HMGA2: variants seen among roughly 807,000 people sequenced by gnomAD.
HMGA2 encodes the protein high mobility group AT-hook 2, also known as high mobility group protein HMGI-C.
HMGA2 carries 8 observed loss-of-function variants against 19.1 expected under a neutral mutation model. The ratio of observed to expected loss-of-function variants is 0.42; its 90% CI spans 0.25 to 0.76. The LOEUF (loss-of-function observed/expected upper bound fraction) is 0.76. Ranked by LOEUF, HMGA2 falls within the 30% of genes least tolerant of loss-of-function variation. The probability of loss-of-function intolerance (pLI) is 0.28; values close to 1 mark genes in which losing one functional copy is unlikely to be tolerated. For missense variants in HMGA2, 109 were observed against 136.3 expected, an observed-to-expected ratio of 0.80 and a Z score of 1.00; for synonymous variants, 60 against 48.8, an observed-to-expected ratio of 1.23 and a Z score of -0.96.
intron 3 of HMGA2, among the ~76,000 whole-genome samples, chr12:65,903,187 T>C (rs900863910): frequency 6.6e-6 from 1 of 152,226 alleles, no homozygotes; most frequent in African/African-American, 2.4e-5. Flanking sequence ...AATGTGTTTA[T>C]ATACACATAA....
In HMGA2 at chr12:65,830,351, C is replaced by T. The variant is rs928770135; in HGVS notation, c.198+2264C>T. ...TGTGTTCTAACAAAACATATATGTT[C>T]GTCAGGATTTTGCAATGCAAATCTT... On this transcript the variant is annotated intron_variant, in intron 2 of 4. Coordinates refer to ENST00000403681, the MANE Select transcript of HMGA2 (RefSeq NM_003483.6). 7.2e-5 allele frequency among the ~76,000 whole-genome samples: 11 copies of T among 151,828 alleles called. No homozygotes were observed. In the East Asian group the frequency reaches 9.6e-4, roughly 13 times the overall value.
intron 3 of HMGA2, among the ~76,000 whole-genome samples, chr12:65,943,529 C>T (rs1210486222): frequency 6.6e-6 from 1 of 152,156 alleles, no homozygotes; most frequent in African/African-American, 2.4e-5. Context: ...GGGCACTTTG[C>T]TATAATAATC....
At chr12:65,868,555 C>G (rs1432122224) in intron 3 of HMGA2, among the ~76,000 whole-genome samples, 1 of 152,106 alleles carries the variant, frequency 6.6e-6, no homozygotes, top group East Asian at 1.9e-4. Context: ...CCCAAAGCAC[C>G]ACCTACGTTG....
At chr12:65,893,582 G>A (rs1196988695) in intron 3 of HMGA2, among the ~76,000 whole-genome samples, 1 of 152,172 alleles carries the variant, frequency 6.6e-6, no homozygotes. Flanking sequence ...ACATTGTAGG[G>A]TTTCAGAGGT....
chr12:65,936,145 GTT>G (rs1875885893), intron 3 of HMGA2, among the ~76,000 whole-genome samples: 1 of 151,504 alleles, frequency 6.6e-6, no homozygotes, highest in Non-Finnish European at 1.5e-5. Context: ...ATTAAGTAAT[GTT>G]GTTCCTTGTT....
chr12:65,897,311 G>C (rs1054083338), intron 3 of HMGA2, among the ~76,000 whole-genome samples: 2 of 151,978 alleles, frequency 1.3e-5, no homozygotes, highest in Non-Finnish European at 2.9e-5. Context: ...GCATAACACT[G>C]TTTTTTTGAT....
intron 3 of HMGA2, among the ~76,000 whole-genome samples, chr12:65,949,572 C>T (rs1430042866): frequency 6.6e-6 from 1 of 152,108 alleles, no homozygotes; most frequent in African/African-American, 2.4e-5. Context: ...AATAATCCAT[C>T]GAAAAGCTCA....
chr12:65,881,973 G>C, intron 3 of HMGA2: 1 of 698,310 alleles, frequency 1.4e-6, no homozygotes, highest in Non-Finnish European at 2.6e-6. Flanking sequence ...CTTTGCAGCT[G>C]AACGTCTCCA....
At chr12:65,829,369 T>C (rs1332122692) in intron 2 of HMGA2, among the ~76,000 whole-genome samples, 3 of 152,144 alleles carry the variant, frequency 2.0e-5, no homozygotes, top group Admixed American at 6.5e-5. Context: ...AGTAACCTTG[T>C]TATTTAAAAA....
rs114534573 is a variant in HMGA2 at position 65,918,978 on chromosome 12, G to T, written c.250-32405G>T. Among the ~76,000 whole-genome samples, 1,115 of 152,276 alleles carry T rather than the reference G, an allele frequency of 7.3e-3. 12 individuals carry two copies. Among genetic ancestry groups the T allele is most frequent in the African/African-American group, 0.025 (1,058 of 41,548 alleles). ...GATGTAAAAAAATGTTTCTGTAGGA[G>T]GGAAGGGGTACGGTTCTGATAAATC... On this transcript the variant is annotated intron_variant, in intron 3 of 4. Transcript: ENST00000403681.
intron 2 of HMGA2, 61 bp from the exon 3 acceptor site, chr12:65,838,458 G>A: frequency 8.1e-7 from 1 of 1,231,654 alleles, no homozygotes. Flanking sequence ...GTGTCCCTTG[G>A]TGCAGTACTT....
intron 3 of HMGA2, among the ~76,000 whole-genome samples, chr12:65,888,768 T>C (rs1873780033): frequency 6.6e-6 from 1 of 151,414 alleles, no homozygotes; most frequent in African/African-American, 2.4e-5. Flanking sequence ...TTTCACCGTG[T>C]TAGCCAGGAT....
chr12:65,910,474 T>C lies in HMGA2; in HGVS notation c.250-40909T>C, dbSNP rs17101895. Among the ~76,000 whole-genome samples the C allele has an allele frequency of 2.9e-3, 440 of 152,318 alleles. 3 individuals are homozygous for C. The highest frequency in any genetic ancestry group is 0.01 in the African/African-American group (427 of 41,582). On this transcript the variant is annotated intron_variant, in intron 3 of 4. Transcript: ENST00000403681. ...GTACTCACTCCTCACACCTACCACA[T>C]AGATTCTGTTGTCCCAATGTTATAG... is the stretch of plus-strand genomic sequence containing the variant.
At chr12:65,913,356 G>A (rs1592441091) in intron 3 of HMGA2, among the ~76,000 whole-genome samples, 3 of 152,246 alleles carry the variant, frequency 2.0e-5, no homozygotes, top group Non-Finnish European at 2.9e-5. Flanking sequence ...ACAGGAAGAA[G>A]ATCCCCCAGT....
At chr12:65,875,353 T>G (rs1296549092) in intron 3 of HMGA2, among the ~76,000 whole-genome samples, 2 of 152,204 alleles carry the variant, frequency 1.3e-5, no homozygotes, top group Non-Finnish European at 2.9e-5. Context: ...AACTGTTAGT[T>G]TATTATTTCA....
At chr12:65,962,550 G>A (rs962222293) in intron 4 of HMGA2, among the ~76,000 whole-genome samples, 1 of 152,134 alleles carries the variant, frequency 6.6e-6, no homozygotes, top group Non-Finnish European at 1.5e-5. Context: ...ATAAATACAA[G>A]GGGGAGGAAA....
At chr12:65,918,851 C>T (rs1200882045) in intron 3 of HMGA2, among the ~76,000 whole-genome samples, 1 of 152,160 alleles carries the variant, frequency 6.6e-6, no homozygotes, top group East Asian at 1.9e-4. Flanking sequence ...GAATTGTTTG[C>T]ATCCATTTCC....
intron 3 of HMGA2, chr12:65,851,540 A>T: frequency 3.2e-6 from 1 of 310,500 alleles, no homozygotes; most frequent in South Asian, 2.4e-5. Context: ...AAACCAAGAA[A>T]TTAGACAGCT....
chr12:65,943,303 G>A (rs1204129561), intron 3 of HMGA2, among the ~76,000 whole-genome samples: 1 of 152,088 alleles, frequency 6.6e-6, no homozygotes, highest in Non-Finnish European at 1.5e-5. Context: ...GATTTTTAAA[G>A]GGCTTCCCAT....
Sources: allele counts gnomAD v4.1 joint callset (sites outside exome capture counted in the v4.1 genomes callset), GRCh38; gene constraint gnomAD v4.1.1; transcripts MANE v1.5; gene names NCBI Gene and HGNC (gene_info 2026-07-23, HGNC 2026-07-21).